Variants in RTL4 observed in about 807,000 individuals in gnomAD.
RTL4 encodes the protein retrotransposon Gag like 4.
A neutral mutation model predicts 5.3 loss-of-function variants in RTL4; 4 were observed. The ratio of observed to expected loss-of-function variants is 0.75; its 90% CI spans 0.37 to 1.72. The LOEUF (loss-of-function observed/expected upper bound fraction) is 1.72, where lower values mean the gene tolerates loss of function less well. Ranked by LOEUF, RTL4 falls within the 40% of genes most tolerant of loss-of-function variation. RTL4 has a pLI of 0.04. For missense variants in RTL4, 260 were observed against 227.1 expected (o/e 1.14, Z -0.93); for synonymous variants, 98 against 87.3 (o/e 1.12, Z -0.68).
chrX:112,400,567 C>T, the RTL4 span, among the ~76,000 whole-genome samples: 3 of 111,413 alleles, frequency 2.7e-5, no homozygotes, highest in Non-Finnish European at 3.8e-5. Context: ...ATATTTACCT[C>T]CTTTTTTGTC....
chrX:112,391,054 C>A, the RTL4 span, among the ~76,000 whole-genome samples: 2 of 111,902 alleles, frequency 1.8e-5, no homozygotes, highest in African/African-American at 6.5e-5. Context: ...TGTATTATTT[C>A]AGAAAGCCAG....
At chrX:112,329,335 C>T in the RTL4 span, among the ~76,000 whole-genome samples, 4 of 111,046 alleles carry the variant, frequency 3.6e-5, no homozygotes, top group Non-Finnish European at 5.7e-5. Context: ...ATATCACCAC[C>T]GATCCCACAG....
At chrX:112,328,226 G>C in the RTL4 span, among the ~76,000 whole-genome samples, 1 of 110,434 alleles carries the variant, frequency 9.1e-6, no homozygotes, top group Non-Finnish European at 1.9e-5. Flanking sequence ...TGGATAAAGA[G>C]TCAAGACCCA....
the RTL4 span, among the ~76,000 whole-genome samples, chrX:112,165,194 A>G: frequency 2.7e-5 from 3 of 112,313 alleles, no homozygotes; most frequent in African/African-American, 6.5e-5. Flanking sequence ...CTCAGAATCC[A>G]TATAGCATAT....
chrX:112,192,551 T>C, the RTL4 span, among the ~76,000 whole-genome samples: 1 of 111,811 alleles, frequency 8.9e-6, no homozygotes, highest in South Asian at 3.7e-4. Context: ...TTATTTTCTA[T>C]GTGATTAATT....
the RTL4 span, among the ~76,000 whole-genome samples, chrX:112,340,132 A>T: frequency 8.9e-6 from 1 of 112,392 alleles, no homozygotes; most frequent in Non-Finnish European, 1.9e-5. Context: ...AAACCTCAAA[A>T]ATATTAAATA....
At chrX:112,231,252 C>A in the RTL4 span, among the ~76,000 whole-genome samples, 1 of 109,528 alleles carries the variant, frequency 9.1e-6, no homozygotes, top group Non-Finnish European at 1.9e-5. Flanking sequence ...ATAAATCATG[C>A]TGCTATAAAG....
chrX:112,113,270 G>T, the RTL4 span, among the ~76,000 whole-genome samples: 1 of 110,117 alleles, frequency 9.1e-6, no homozygotes, highest in African/African-American at 3.3e-5. Flanking sequence ...CCTCAAGCAG[G>T]GGACAACAAA....
the RTL4 span, among the ~76,000 whole-genome samples, chrX:112,444,772 C>T: frequency 9.0e-6 from 1 of 111,403 alleles, no homozygotes; most frequent in African/African-American, 3.3e-5. Context: ...TCCATTTCTT[C>T]TATATTTTCC....
At chrX:112,118,869 A>G in the RTL4 span, among the ~76,000 whole-genome samples, 1 of 111,331 alleles carries the variant, frequency 9.0e-6, no homozygotes, top group Non-Finnish European at 1.9e-5. Flanking sequence ...AAAACCAGCA[A>G]CCATTTATTT....
chrX:112,316,621 G>A, the RTL4 span, among the ~76,000 whole-genome samples: 4 of 111,563 alleles, frequency 3.6e-5, no homozygotes, highest in Admixed American at 2.9e-4. Flanking sequence ...ACTATTAAAC[G>A]TTGCACTACC....
chrX:112,114,034 T>C, the RTL4 span, among the ~76,000 whole-genome samples: 1 of 111,865 alleles, frequency 8.9e-6, no homozygotes, highest in East Asian at 2.8e-4. Context: ...TATCTGTGGC[T>C]GATTGGGTAA....
the RTL4 span, among the ~76,000 whole-genome samples, chrX:112,328,619 G>C: frequency 9.0e-6 from 1 of 111,304 alleles, no homozygotes; most frequent in Admixed American, 9.5e-5. Context: ...AGTCAACAAG[G>C]ATACCCAGGA....
At chrX:112,291,476 T>C in the RTL4 span, among the ~76,000 whole-genome samples, 1 of 110,655 alleles carries the variant, frequency 9.0e-6, no homozygotes, top group African/African-American at 3.3e-5. Flanking sequence ...GGAATTGTTT[T>C]CAACAGAAAC....
chrX:112,357,189 A>G, the RTL4 span, among the ~76,000 whole-genome samples: 1 of 110,812 alleles, frequency 9.0e-6, no homozygotes, highest in Non-Finnish European at 1.9e-5. Flanking sequence ...ACAAAGTGAT[A>G]AAGAAGACTT....
chrX:112,344,580 A>T, the RTL4 span, among the ~76,000 whole-genome samples: 2 of 111,869 alleles, frequency 1.8e-5, no homozygotes, highest in Admixed American at 9.5e-5. Flanking sequence ...GCAAGGGGGA[A>T]GTCTGCCCCC....
the RTL4 span, among the ~76,000 whole-genome samples, chrX:112,329,209 T>C: frequency 9.0e-6 from 1 of 110,831 alleles, no homozygotes; most frequent in African/African-American, 3.3e-5. Context: ...AAAAAACTAA[T>C]GAATCCAGGA....
the RTL4 span, among the ~76,000 whole-genome samples, chrX:112,435,599 T>C: frequency 2.7e-5 from 3 of 111,710 alleles, no homozygotes; most frequent in Non-Finnish European, 5.6e-5. Context: ...CCCTTGAATT[T>C]GAGCTCATTC....
At chrX:112,310,178 G>A in the RTL4 span, among the ~76,000 whole-genome samples, 1 of 99,821 alleles carries the variant, frequency 1.0e-5, no homozygotes, top group African/African-American at 3.7e-5. Context: ...TTGAAGATGG[G>A]GCTTTGGGGT....
Sources: gnomAD v4.1 joint callset for allele counts (sites outside exome capture counted in the v4.1 genomes callset) on GRCh38, gnomAD v4.1.1 for gene constraint, MANE v1.5 for transcripts, NCBI Gene and HGNC (gene_info 2026-07-23, HGNC 2026-07-21) for gene names.